Variants in LRRN1 observed in about 807,000 individuals in gnomAD.
LRRN1 encodes the protein leucine-rich repeat neuronal protein 1.
In LRRN1, 14 loss-of-function variants were observed where a neutral mutation model predicts 45.8. That is an observed-to-expected ratio of 0.31 (90% CI 0.20 to 0.48). The LOEUF is 0.48. LRRN1 is among the 20% of genes least tolerant of loss of function. The pLI is 0.99. For synonymous variants in LRRN1, 359 were observed against 330.1 expected (o/e 1.09, Z -0.95); for missense variants, 789 against 874.2 (o/e 0.90, Z 1.23).
At chr3:3,841,662 G>A (rs188502363) in intron 1 of LRRN1, among the ~76,000 whole-genome samples, 3 of 152,094 alleles carry the variant, frequency 2.0e-5, no homozygotes, top group Admixed American at 2.0e-4. Flanking sequence ...GGGATTACAG[G>A]CACGTACCAC....
chr3:3,835,985 A>T (rs1242724882), intron 1 of LRRN1, among the ~76,000 whole-genome samples: 1 of 152,206 alleles, frequency 6.6e-6, no homozygotes, highest in Non-Finnish European at 1.5e-5. Context: ...GTTTCTTTAA[A>T]CTGCCAGACT....
rs369419702 is a variant in LRRN1, at chr3:3,829,724, T to C, written c.-278-14640T>C. Among the ~76,000 whole-genome samples the C allele has an allele frequency of 1.5e-3, 229 of 152,258 alleles. 2 individuals are homozygous for C. The highest frequency in any genetic ancestry group is 5.1e-3 in the African/African-American group (211 of 41,546). Reference sequence around the variant, plus strand: ...CACTTCTTTAGCCGTAAAGTGAGTGTCTTGGTCAGAGGCAATGCTGTATGG... The same window carrying C: ...CACTTCTTTAGCCGTAAAGTGAGTGCCTTGGTCAGAGGCAATGCTGTATGG... On this transcript the variant is annotated intron_variant, in intron 1 of 1. Coordinates refer to ENST00000319331, the MANE Select transcript of LRRN1 (RefSeq NM_020873.7).
chr3:3,822,520 T>C (rs1283355036), intron 1 of LRRN1, among the ~76,000 whole-genome samples: 2 of 152,158 alleles, frequency 1.3e-5, no homozygotes, highest in Non-Finnish European at 2.9e-5. Flanking sequence ...GTTTCTTTGG[T>C]GAAGGATTTA....
At chr3:3,834,535 T>TATATATATATATATATATC (rs1553563089) in intron 1 of LRRN1, among the ~76,000 whole-genome samples, 1 of 108,730 alleles carries the variant, frequency 9.2e-6, no homozygotes, top group African/African-American at 3.5e-5. Flanking sequence ...GATATATATA[T>TATATATATATATATATATC]ATATATATAT....
rs1692592529 is a variant in LRRN1, at chr3:3,799,532, G to T, written c.-666G>T. On this transcript the variant is annotated 5_prime_UTR_variant, in exon 1 of 2. Coordinates refer to ENST00000319331, the MANE Select transcript of LRRN1 (RefSeq NM_020873.7). Reference sequence around the variant, plus strand: ...AAGCGCCCGCCTGGCGGGGAGAGGGGCCGACGGCGTCAGCCCGGGCGGCGG... The same window carrying T: ...AAGCGCCCGCCTGGCGGGGAGAGGGTCCGACGGCGTCAGCCCGGGCGGCGG... 1 of 151,994 alleles carries T rather than the reference G, an allele frequency of 6.6e-6. No individual in the cohort carries two copies. Among genetic ancestry groups the T allele is most frequent in the African/African-American group, 2.4e-5 (1 of 41,424 alleles). The allele number at this position is 151,994 out of a possible 1,614,324, so 9.4% of individuals were successfully genotyped here. A position where few individuals can be genotyped will look rare whatever the true frequency, so the allele number is the denominator to read the frequency against.
rs948124038 is a variant in LRRN1, at chr3:3,845,385, T to C, written c.744T>C (p.Asp248=). The change falls in exon 2 of 2, where the codon GAT becomes GAC. Residue 248 remains aspartate, a synonymous_variant. Transcript: ENST00000319331. The surrounding 1 kb of genome is among the most constrained non-coding windows in gnomAD (Gnocchi z 6.5). ...GCCTTGAGAGCCTGTCTTTTTATGA[T>C]AACAAACTGGTTAAAGTCCCTCAAC... ...LDSLESLSFY[D]NKLVKVPQLA... is the part of the protein sequence containing the mutation. 5 of 1,614,010 alleles carry C rather than the reference T, an allele frequency of 3.1e-6. No homozygotes were observed. In the African/African-American group the frequency reaches 5.3e-5, roughly 17 times the overall value.
At chr3:3,829,396 T>C (rs536777289) in intron 1 of LRRN1, among the ~76,000 whole-genome samples, 2 of 152,268 alleles carry the variant, frequency 1.3e-5, no homozygotes, top group South Asian at 2.1e-4. Context: ...GTCGTGGGAA[T>C]AGGAAACAAA....
At chr3:3,812,493 T>G (rs1401051502) in intron 1 of LRRN1, among the ~76,000 whole-genome samples, 2 of 152,154 alleles carry the variant, frequency 1.3e-5, no homozygotes, top group East Asian at 3.9e-4. Context: ...TGGCTTAGAA[T>G]AGAATAAAAG....
chr3:3,804,847 G>T (rs1234059283), intron 1 of LRRN1, among the ~76,000 whole-genome samples: 2 of 152,172 alleles, frequency 1.3e-5, no homozygotes, highest in Non-Finnish European at 2.9e-5. Context: ...GTAGAACTGG[G>T]AGTAAAGGAA....
chr3:3,846,813 T>C lies in LRRN1; in HGVS notation c.*21T>C. The C allele has an allele frequency of 4.5e-6, 7 of 1,564,216 alleles. No homozygotes were observed. The highest frequency in any genetic ancestry group is 5.2e-6 in the Non-Finnish European group (6 of 1,156,072). On this transcript the variant is annotated 3_prime_UTR_variant, in exon 2 of 2. Transcript: ENST00000319331. This position sits in a 1 kb window ranked among gnomAD's most constrained non-coding sequence, Gnocchi z 5.7. Reference sequence around the variant, plus strand: ...GGTAACTCAGAGGATATTTTGCTTCTGGTAGTAAGGAGCACAAAGACGTTT... The same window carrying C: ...GGTAACTCAGAGGATATTTTGCTTCCGGTAGTAAGGAGCACAAAGACGTTT...
chr3:3,811,086 C>G (rs1327688214), intron 1 of LRRN1, among the ~76,000 whole-genome samples: 1 of 152,046 alleles, frequency 6.6e-6, no homozygotes, highest in African/African-American at 2.4e-5. Context: ...CCCTTGCAGG[C>G]CAATAAATAG....
At chr3:3,824,884 C>G (rs1475342638) in intron 1 of LRRN1, among the ~76,000 whole-genome samples, 1 of 152,090 alleles carries the variant, frequency 6.6e-6, no homozygotes, top group Non-Finnish European at 1.5e-5. Context: ...TCTGAGGTGT[C>G]CTCTGCAAAA....
intron 1 of LRRN1, among the ~76,000 whole-genome samples, chr3:3,811,375 C>T (rs764268134): frequency 1.4e-4 from 21 of 152,222 alleles, no homozygotes; most frequent in East Asian, 3.9e-4. Flanking sequence ...CAAGCAGCTT[C>T]GTAAGGGAAA....
intron 1 of LRRN1, among the ~76,000 whole-genome samples, chr3:3,842,469 C>G (rs1226772177): frequency 2.6e-5 from 4 of 151,988 alleles, no homozygotes; most frequent in African/African-American, 7.2e-5. Flanking sequence ...AGTTGTAGGA[C>G]TTTTCCTTCT....
At chr3:3,814,091 ACTT>A (rs897847944) in intron 1 of LRRN1, among the ~76,000 whole-genome samples, 27 of 150,904 alleles carry the variant, frequency 1.8e-4, no homozygotes, top group African/African-American at 5.6e-4. Context: ...TAAATATGGC[ACTT>A]CTTCTTTGTT....
intron 1 of LRRN1, among the ~76,000 whole-genome samples, chr3:3,814,655 T>C (rs1340034305): frequency 6.6e-6 from 1 of 152,192 alleles, no homozygotes; most frequent in African/African-American, 2.4e-5. Flanking sequence ...AATGCTCTTA[T>C]AAAAGAGATT....
chr3:3,844,444 A>G lies in LRRN1; in HGVS notation c.-198A>G, dbSNP rs1353557214. On this transcript the variant is annotated 5_prime_UTR_variant, in exon 2 of 2. It removes the in-frame stop codon of an upstream open reading frame in the 5' UTR. Coordinates refer to ENST00000319331, the MANE Select transcript of LRRN1 (RefSeq NM_020873.7). ...ATGCCTGGAATTGAGAGACACAGTT[A>G]AAAGACTCCAAGTTGCTTTCTGCCT... The G allele has an allele frequency of 1.8e-6, 1 of 555,014 alleles. No individual in the cohort carries two copies. Among genetic ancestry groups the G allele is most frequent in the Non-Finnish European group, 3.2e-6 (1 of 314,834 alleles). The allele number at this position is 555,014 out of a possible 1,614,324, so 34.4% of individuals were successfully genotyped here.
At chr3:3,814,376 A>G (rs1692945425) in intron 1 of LRRN1, among the ~76,000 whole-genome samples, 1 of 151,526 alleles carries the variant, frequency 6.6e-6, no homozygotes, top group Non-Finnish European at 1.5e-5. Flanking sequence ...TGCCCCAGGA[A>G]TCAGATGTAT....
chr3:3,837,378 G>T (rs1693544919), intron 1 of LRRN1, among the ~76,000 whole-genome samples: 1 of 151,882 alleles, frequency 6.6e-6, no homozygotes, highest in Non-Finnish European at 1.5e-5. Context: ...AGAGCTTTAA[G>T]GACCACAACC....
Sources: allele counts gnomAD v4.1 joint callset (sites outside exome capture counted in the v4.1 genomes callset), GRCh38; gene constraint gnomAD v4.1.1; non-coding constraint Gnocchi (gnomAD v3.1); transcripts MANE v1.5; gene names NCBI Gene and HGNC (gene_info 2026-07-23, HGNC 2026-07-21).